The following GREB1L variants were observed in gnomAD, a reference collection of about 807,000 sequenced individuals.
GREB1L encodes GREB1-like protein.
In GREB1L, 17 loss-of-function variants were observed where a neutral mutation model predicts 200.8. The ratio of observed to expected loss-of-function variants is 0.08; its 90% confidence interval spans 0.06 to 0.13. The LOEUF (loss-of-function observed/expected upper bound fraction) is 0.13. Ranked by LOEUF, GREB1L falls within the 10% of genes least tolerant of loss-of-function variation. The pLI is 1.00. For synonymous variants in GREB1L, 789 were observed against 893.0 expected, an observed-to-expected ratio of 0.88 and a Z score of 2.08; for missense variants, 1,657 against 2,367.7, an observed-to-expected ratio of 0.70 and a Z score of 6.23.
At chr18:21,370,112 C>T in intron 2 of GREB1L, among the ~76,000 whole-genome samples, 1 of 152,110 alleles carries the variant, frequency 6.6e-6, no homozygotes, top group East Asian at 1.9e-4. Flanking sequence ...TAAAGCACTT[C>T]TGTTTTGAAT....
intron 4 of GREB1L, among the ~76,000 whole-genome samples, chr18:21,394,760 A>C (rs1430063592): frequency 6.6e-6 from 1 of 152,058 alleles, no homozygotes; most frequent in Non-Finnish European, 1.5e-5. Flanking sequence ...ATCGTATTAC[A>C]TGCACATAAA....
chr18:21,395,152 C>T (rs1308540630), intron 4 of GREB1L, among the ~76,000 whole-genome samples: 2 of 150,194 alleles, frequency 1.3e-5, no homozygotes, highest in Non-Finnish European at 1.5e-5. Context: ...ATGAAGTTGT[C>T]GCTTTGGCTG....
At position 21,370,259 on chromosome 18, in the gene GREB1L, T is replaced by C. The variant is rs544261577; in HGVS notation, c.-10+4123T>C. ...TACTCAGTTCCAGCTTTAAACAAAT[T>C]ATATGTCCCCCAAAACTCACAATCT... On this transcript the variant is annotated intron_variant, in intron 2 of 32. Coordinates refer to ENST00000424526, the MANE Select transcript of GREB1L (RefSeq NM_001142966.3). 3.3e-5 allele frequency among the ~76,000 whole-genome samples: 5 copies of C among 152,172 alleles called. No individual in the cohort carries two copies. In the East Asian group the frequency reaches 5.8e-4, roughly 18 times the overall value.
chr18:21,280,454 C>G (rs935831627), intron 1 of GREB1L, among the ~76,000 whole-genome samples: 13 of 151,514 alleles, frequency 8.6e-5, no homozygotes, highest in Admixed American at 3.3e-4. Flanking sequence ...TACCTATTCA[C>G]CTTTTGAAGA....
chr18:21,300,804 AC>A (rs1405694843), intron 1 of GREB1L, among the ~76,000 whole-genome samples: 1 of 152,000 alleles, frequency 6.6e-6, no homozygotes, highest in Non-Finnish European at 1.5e-5. Flanking sequence ...GGACACACAC[AC>A]CATCCGTGTG....
At chr18:21,443,706 T>C (rs1475717262) in intron 10 of GREB1L, among the ~76,000 whole-genome samples, 1 of 152,192 alleles carries the variant, frequency 6.6e-6, no homozygotes, top group African/African-American at 2.4e-5. Flanking sequence ...TTAGTATCCC[T>C]GGGGGATTGA....
At chr18:21,475,958 G>C (rs1293919852) in intron 16 of GREB1L, among the ~76,000 whole-genome samples, 1 of 106,948 alleles carries the variant, frequency 9.4e-6, no homozygotes, top group Non-Finnish European at 1.7e-5. Flanking sequence ...GACACAGAGA[G>C]AGACTCCGTC....
At chr18:21,357,332 G>A (rs1402466771) in intron 1 of GREB1L, among the ~76,000 whole-genome samples, 5 of 152,244 alleles carry the variant, frequency 3.3e-5, no homozygotes, top group African/African-American at 9.6e-5. Flanking sequence ...GATTACAGGC[G>A]TGAGCCTCTG....
At chr18:21,418,129 T>C (rs2031821172) in intron 7 of GREB1L, among the ~76,000 whole-genome samples, 1 of 152,132 alleles carries the variant, frequency 6.6e-6, no homozygotes, top group African/African-American at 2.4e-5. Flanking sequence ...CATTTAAAAG[T>C]AAATTGTATG....
intron 19 of GREB1L, among the ~76,000 whole-genome samples, chr18:21,491,696 G>C (rs1420901290): frequency 6.8e-6 from 1 of 147,074 alleles, no homozygotes; most frequent in East Asian, 2.0e-4. Flanking sequence ...CTGGGCGACA[G>C]AGCGAGACTC....
At chr18:21,463,995 A>C (rs191949801) in intron 15 of GREB1L, among the ~76,000 whole-genome samples, 6 of 152,360 alleles carry the variant, frequency 3.9e-5, no homozygotes, top group African/African-American at 1.4e-4. Context: ...TTCTAGCGTC[A>C]CAAGGAATGA....
intron 1 of GREB1L, among the ~76,000 whole-genome samples, chr18:21,300,574 G>A (rs2038602084): frequency 6.6e-6 from 1 of 152,068 alleles, no homozygotes. Flanking sequence ...TCTTTGCAGA[G>A]ATGCTTTGAT....
chr18:21,293,307 A>AT (rs1169127671), intron 1 of GREB1L, among the ~76,000 whole-genome samples: 6 of 152,236 alleles, frequency 3.9e-5, no homozygotes, highest in African/African-American at 7.2e-5. Context: ...GGTGAGGCAA[A>AT]TAAAATACAG....
At chr18:21,423,119 CG>C (rs2032290396) in intron 7 of GREB1L, among the ~76,000 whole-genome samples, 1 of 151,976 alleles carries the variant, frequency 6.6e-6, no homozygotes, top group South Asian at 2.1e-4. Flanking sequence ...TTAGTAGAGA[CG>C]GGGTTTCACC....
rs1478270452 is a variant in GREB1L at position 21,481,439 on chromosome 18, A to G, written c.2556+4083A>G. Among the ~76,000 whole-genome samples the G allele has an allele frequency of 4.2e-4, 54 of 127,552 alleles. No homozygotes were observed. The Middle Eastern group carries it at 0.012, about 28-fold the overall frequency. The allele number at this position is 127,552 out of a possible 152,430, so 83.7% of individuals were successfully genotyped here. ...GATTTTTGAGCAACAGTATATATGT[A>G]TGTGTGTGTGTGTGTGTGTGTGTGT... On this transcript the variant is annotated intron_variant, in intron 17 of 32. Coordinates refer to ENST00000424526, the MANE Select transcript of GREB1L (RefSeq NM_001142966.3).
At chr18:21,437,443 T>C (rs951348366) in intron 7 of GREB1L, among the ~76,000 whole-genome samples, 1 of 152,194 alleles carries the variant, frequency 6.6e-6, no homozygotes, top group Non-Finnish European at 1.5e-5. Flanking sequence ...AACAACTTTA[T>C]AATGCCAAGG....
At chr18:21,359,413 G>A (rs1598692561) in intron 1 of GREB1L, among the ~76,000 whole-genome samples, 1 of 152,146 alleles carries the variant, frequency 6.6e-6, no homozygotes, top group African/African-American at 2.4e-5. Context: ...TTGTGCCATT[G>A]CACTCCAGGC....
chr18:21,449,594 T>G lies in GREB1L; in HGVS notation c.1478T>G (p.Leu493Arg). ...GAATTTACTCTGAGAGAAAGAGCCCTGCAGATAGGTGCTCAGTGTGTCCCT... is the reference window on the plus strand; with the variant it reads ...GAATTTACTCTGAGAGAAAGAGCCCGGCAGATAGGTGCTCAGTGTGTCCCT... ...MQEFTLRERA[L>R]QIGAQCVPVS... Residue 493 changes from leucine to arginine, a missense_variant, in exon 12 of 33, where the codon CTG becomes CGG. This residue lies in a region of GREB1L where 289 missense variants were observed against 345.1 expected (regional missense o/e 0.84). Transcript: ENST00000424526. 1 of 1,551,446 alleles carries G rather than the reference T, an allele frequency of 6.4e-7. No homozygotes were observed. Among genetic ancestry groups the G allele is most frequent in the East Asian group, 2.4e-5 (1 of 40,910 alleles).
rs2034678290 is a variant in GREB1L, at chr18:21,454,759, A to G, written c.2182+196A>G. On this transcript the variant is annotated intron_variant, in intron 15 of 32. Transcript: ENST00000424526. The stretch of plus-strand genomic sequence containing the variant: ...ACTCTGTCCTTTTTCCCTCAAGGTC[A>G]AGGGTAAATTGTTGTGCATGTTTGC... 7.5e-5 allele frequency: 45 copies of G among 599,610 alleles called. No individual in the cohort carries two copies. The South Asian group carries it at 8.3e-4, about 11-fold the overall frequency. 37.1% of individuals were successfully genotyped at this position (599,610 alleles called of 1,614,324 possible).
Sources: allele counts gnomAD v4.1 joint callset (sites outside exome capture counted in the v4.1 genomes callset), GRCh38; gene constraint gnomAD v4.1.1; regional missense constraint gnomAD v4.1.1; transcripts MANE v1.5; gene names NCBI Gene and HGNC (gene_info 2026-07-23, HGNC 2026-07-21).